The following DAAM2 variants were observed in gnomAD, a reference collection of about 807,000 sequenced individuals.
DAAM2 encodes dishevelled associated activator of morphogenesis 2, also known as disheveled-associated activator of morphogenesis 2.
DAAM2 carries 39 observed loss-of-function variants against 120.7 expected under a neutral mutation model. That is an observed-to-expected ratio of 0.32 (90% CI 0.25 to 0.42). The LOEUF (loss-of-function observed/expected upper bound fraction) is 0.42. Ranked by LOEUF, DAAM2 falls within the 10% of genes least tolerant of loss-of-function variation. The probability of loss-of-function intolerance (pLI) is 1.00; values close to 1 mark genes in which losing one functional copy is unlikely to be tolerated. For missense variants in DAAM2, 1,283 were observed against 1,401.7 expected (o/e 0.92, Z 1.35); for synonymous variants, 488 against 524.9 (o/e 0.93, Z 0.96).
At chr6:39,877,225 ACCCATGGGCAAC>A (rs1468999266) in intron 11 of DAAM2, among the ~76,000 whole-genome samples, 1 of 152,094 alleles carries the variant, frequency 6.6e-6, no homozygotes, top group African/African-American at 2.4e-5. Flanking sequence ...CTTATATCTG[ACCCATGGGCAAC>A]CCTCATGCCA....
At chr6:39,855,010 A>G (rs1464603039) in intron 1 of DAAM2, among the ~76,000 whole-genome samples, 1 of 152,244 alleles carries the variant, frequency 6.6e-6, no homozygotes, top group Non-Finnish European at 1.5e-5. Flanking sequence ...ATCTGAGTCC[A>G]GGAGAAATAG....
At chr6:39,861,075 G>C (rs1764191147) in intron 3 of DAAM2, 58 bp downstream of exon 3, 1 of 1,330,530 alleles carries the variant, frequency 7.5e-7, no homozygotes, top group African/African-American at 1.5e-5. Flanking sequence ...GGTGGCTCTT[G>C]CTGCCTTGGC....
At chr6:39,810,825 C>T (rs1762139422) in intron 1 of DAAM2, among the ~76,000 whole-genome samples, 1 of 152,190 alleles carries the variant, frequency 6.6e-6, no homozygotes, top group South Asian at 2.1e-4. Flanking sequence ...TTCACCAAAT[C>T]ACACATACAC....
intron 1 of DAAM2, among the ~76,000 whole-genome samples, chr6:39,803,189 G>C (rs1761918169): frequency 6.6e-6 from 1 of 152,120 alleles, no homozygotes; most frequent in Non-Finnish European, 1.5e-5. Flanking sequence ...CGTTTTTCTT[G>C]GTATATTCCT....
chr6:39,859,289 A>C (rs928564076), intron 2 of DAAM2, among the ~76,000 whole-genome samples: 3 of 152,198 alleles, frequency 2.0e-5, no homozygotes, highest in African/African-American at 7.2e-5. Context: ...GAAGAGGTGC[A>C]GAGTTTGTAT....
chr6:39,813,148 G>A (rs1429902250), intron 1 of DAAM2, among the ~76,000 whole-genome samples: 1 of 150,042 alleles, frequency 6.7e-6, no homozygotes, highest in Non-Finnish European at 1.5e-5. Flanking sequence ...GAGGCAGATT[G>A]TGTGTGTGTG....
chr6:39,890,643 C>T (rs916679052), intron 17 of DAAM2, among the ~76,000 whole-genome samples: 2 of 152,160 alleles, frequency 1.3e-5, no homozygotes, highest in Non-Finnish European at 2.9e-5. Flanking sequence ...TGGAAATGTT[C>T]TCTATCTTAA....
intron 4 of DAAM2, 118 bp from the exon 5 acceptor site, chr6:39,864,862 G>C: frequency 7.6e-7 from 1 of 1,315,320 alleles, no homozygotes; most frequent in Non-Finnish European, 1.1e-6. Context: ...CTCGGTCTCA[G>C]TAAACCATTC....
intron 1 of DAAM2, among the ~76,000 whole-genome samples, chr6:39,843,675 C>T (rs1763443295): frequency 6.6e-6 from 1 of 152,218 alleles, no homozygotes; most frequent in Non-Finnish European, 1.5e-5. Context: ...TGAGTGTGCC[C>T]AGCTCGCATG....
intron 1 of DAAM2, among the ~76,000 whole-genome samples, chr6:39,805,827 T>C (rs973081369): frequency 2.0e-5 from 3 of 152,118 alleles, no homozygotes; most frequent in Non-Finnish European, 4.4e-5. Context: ...GCTGGGATTA[T>C]AGGAGTGAGC....
intron 1 of DAAM2, among the ~76,000 whole-genome samples, chr6:39,854,449 C>T (rs569473198): frequency 7.2e-5 from 11 of 152,240 alleles, no homozygotes; most frequent in African/African-American, 1.7e-4. Context: ...AGTAGTACAA[C>T]GGCAATCTTC....
intron 16 of DAAM2, chr6:39,887,828 C>T: frequency 2.0e-6 from 1 of 488,808 alleles, no homozygotes; most frequent in Non-Finnish European, 3.7e-6. Flanking sequence ...AGCTGAGTTG[C>T]TCTAAGCCCA....
At chr6:39,896,104 T>C (rs1280907777) in intron 19 of DAAM2, among the ~76,000 whole-genome samples, 1 of 152,122 alleles carries the variant, frequency 6.6e-6, no homozygotes, top group East Asian at 1.9e-4. Context: ...AATCCCATAA[T>C]AGGTAAAATG....
At chr6:39,853,660 G>A (rs908471479) in intron 1 of DAAM2, among the ~76,000 whole-genome samples, 1 of 152,186 alleles carries the variant, frequency 6.6e-6, no homozygotes, top group Non-Finnish European at 1.5e-5. Flanking sequence ...GCCAAGAAAG[G>A]TAAGAGGGAG....
intron 4 of DAAM2, 122 bp downstream of exon 4, chr6:39,864,629 C>T (rs1394598604): frequency 1.3e-6 from 1 of 744,914 alleles, no homozygotes. Flanking sequence ...CGCCCCACTG[C>T]CCACTCACTG....
At chr6:39,864,211 T>C (rs964889966) in intron 3 of DAAM2, among the ~76,000 whole-genome samples, 1 of 152,184 alleles carries the variant, frequency 6.6e-6, no homozygotes, top group African/African-American at 2.4e-5. Flanking sequence ...ACCTGCATAG[T>C]TTCTGCCCGC....
At chr6:39,813,167 CGTGTGTGTGT>C (rs113671363) in intron 1 of DAAM2, among the ~76,000 whole-genome samples, 2 of 149,520 alleles carry the variant, frequency 1.3e-5, no homozygotes, top group Non-Finnish European at 3.0e-5. Flanking sequence ...TGTGTGTGTG[CGTGTGTGTGT>C]GTATGTATGT....
At chr6:39,835,504 C>T (rs1235789247) in intron 1 of DAAM2, among the ~76,000 whole-genome samples, 1 of 152,126 alleles carries the variant, frequency 6.6e-6, no homozygotes, top group Non-Finnish European at 1.5e-5. Flanking sequence ...CTAGTGCTCT[C>T]TTCTTTAGCC....
At chr6:39,876,508 C>T (rs190924439) in intron 11 of DAAM2, among the ~76,000 whole-genome samples, 1 of 152,276 alleles carries the variant, frequency 6.6e-6, no homozygotes, top group East Asian at 1.9e-4. Context: ...TTTCCACTGC[C>T]AGAGGATAAA....
Sources: allele counts gnomAD v4.1 joint callset (sites outside exome capture counted in the v4.1 genomes callset), GRCh38; gene constraint gnomAD v4.1.1; transcripts MANE v1.5; gene names NCBI Gene and HGNC (gene_info 2026-07-23, HGNC 2026-07-21).